Variants in TRAIP observed in about 807,000 individuals in gnomAD.
The protein encoded by TRAIP is TRAF interacting protein, also known as E3 ubiquitin-protein ligase TRAIP.
A neutral mutation model predicts 65.0 loss-of-function variants in TRAIP; 37 were observed. That is an observed-to-expected ratio of 0.57 (90% confidence interval 0.44 to 0.75). The LOEUF is 0.75. Among genes scored for constraint, TRAIP ranks in the 30% least tolerant of loss-of-function variants. The pLI is 0.00. For synonymous variants in TRAIP, 187 were observed against 219.1 expected, an observed-to-expected ratio of 0.85 and a Z score of 1.29; for missense variants, 481 against 579.4, an observed-to-expected ratio of 0.83 and a Z score of 1.74.
At chr3:49,842,269 TG>T (rs2081845718) in intron 6 of TRAIP, among the ~76,000 whole-genome samples, 183 bp downstream of exon 6, 1 of 152,068 alleles carries the variant, frequency 6.6e-6, no homozygotes, top group Non-Finnish European at 1.5e-5. Flanking sequence ...TTCCTTGGAA[TG>T]GGGGAAGAGT....
At chr3:49,856,142 T>TC (rs1417058617) in intron 1 of TRAIP, among the ~76,000 whole-genome samples, 9 of 152,322 alleles carry the variant, frequency 5.9e-5, no homozygotes, top group African/African-American at 2.2e-4. Flanking sequence ...GCCATCTTAG[T>TC]CCCCCTCAGG....
chr3:49,848,297 C>A, intron 1 of TRAIP, 97 bp from the exon 2 acceptor site: 1 of 1,321,840 alleles, frequency 7.6e-7, no homozygotes, highest in South Asian at 1.3e-5. Context: ...CTGTTCTGCT[C>A]CTCCTTGACC....
Position 49,856,370 on chromosome 3 carries a change from G to A in TRAIP, c.84C>T (p.Thr28=). The part of the protein sequence containing the change: ...RDVAAIHCGH[T]FHLQCLIQWF... ...CAGTCACTCACCACTGCAAGTGGAA[G>A]GTGTGGCCGCAGTGGATGGCGGCCA... Residue 28 remains threonine (T), a synonymous_variant, in exon 1 of 15, where the codon ACC becomes ACT. Transcript: ENST00000331456. 2 of 1,613,988 alleles carry A rather than the reference G, an allele frequency of 1.2e-6. No homozygotes were observed. Among genetic ancestry groups the A allele is most frequent in the Non-Finnish European group, 8.5e-7 (1 of 1,179,904 alleles).
intron 8 of TRAIP, chr3:49,840,592 C>T (rs1275927775): frequency 1.7e-6 from 1 of 575,046 alleles, no homozygotes; most frequent in Admixed American, 3.1e-5. Context: ...TGTGGATGCA[C>T]CATGCCAGAA....
intron 5 of TRAIP, among the ~76,000 whole-genome samples, chr3:49,842,951 C>G (rs2081851052): frequency 6.6e-6 from 1 of 152,158 alleles, no homozygotes; most frequent in South Asian, 2.1e-4. Flanking sequence ...GGACAGTTGC[C>G]AAGAATGAAT....
chr3:49,836,342 A>C (rs138522479), intron 10 of TRAIP, among the ~76,000 whole-genome samples: 3 of 152,006 alleles, frequency 2.0e-5, no homozygotes, highest in Admixed American at 6.5e-5. Flanking sequence ...AATACAAAAA[A>C]CTAGCTGGGC....
intron 1 of TRAIP, among the ~76,000 whole-genome samples, chr3:49,853,631 G>C (rs1447496938): frequency 2.0e-5 from 3 of 151,772 alleles, no homozygotes; most frequent in Non-Finnish European, 4.4e-5. Flanking sequence ...GGATCACGAG[G>C]TCAGGAGTTT....
intron 10 of TRAIP, among the ~76,000 whole-genome samples, chr3:49,839,489 T>A (rs1299244789): frequency 6.6e-6 from 1 of 152,220 alleles, no homozygotes; most frequent in African/African-American, 2.4e-5. Flanking sequence ...CAGATAAATG[T>A]GGGGAGCTAC....
intron 10 of TRAIP, among the ~76,000 whole-genome samples, chr3:49,832,277 G>C (rs1326044052): frequency 1.3e-5 from 2 of 152,048 alleles, no homozygotes; most frequent in Non-Finnish European, 2.9e-5. Context: ...TGGATCAAGC[G>C]GTCAAGAGAT....
At chr3:49,835,495 G>A (rs2081775013) in intron 10 of TRAIP, among the ~76,000 whole-genome samples, 1 of 152,088 alleles carries the variant, frequency 6.6e-6, no homozygotes, top group South Asian at 2.1e-4. Context: ...GTGGGATGGT[G>A]GTGATGGTTG....
rs1039307940 is a variant in TRAIP, at chr3:49,856,527, C to A, written c.-74G>T. 4 of 1,382,818 alleles carry A rather than the reference C, an allele frequency of 2.9e-6. No individual in the cohort carries two copies. The African/African-American group carries it at 5.8e-5, about 20-fold the overall frequency. 85.7% of individuals were successfully genotyped at this position (1,382,818 alleles called of 1,614,324 possible). ...CCGGCTTCGTAGACGCGCCCCCGCG[C>A]CTCCGCTTGCTTCAAATTTGGCTCC... On this transcript the variant is annotated 5_prime_UTR_variant, in exon 1 of 15. Transcript: ENST00000331456.
Position 49,836,529 on chromosome 3 carries a change from AAAAGC to A in TRAIP, c.884+3238_884+3242del, listed in dbSNP as rs140857495. On this transcript the variant is annotated intron_variant, in intron 10 of 14. Coordinates refer to ENST00000331456, the MANE Select transcript of TRAIP (RefSeq NM_005879.3). Reference sequence around the variant, plus strand: ...GAAAAGAAAAGGAAAAAGAAAAAGAAAAAGCAAAGCAAAGCAAAGCAAAGCAAAGC... The same window carrying A: ...GAAAAGAAAAGGAAAAAGAAAAAGAAAAAGCAAAGCAAAGCAAAGCAAAGC... 4.4e-3 allele frequency among the ~76,000 whole-genome samples: 668 copies of A among 152,020 alleles called. 4 individuals are homozygous for A. Among genetic ancestry groups the A allele is most frequent in the Middle Eastern group, 0.014 (4 of 294 alleles).
rs1559447975 is a variant in TRAIP at position 49,839,834 on chromosome 3, C to A, written c.822G>T (p.Leu274=). Reference sequence around the variant, plus strand: ...CTGGTGGCAGGTTCAAGGTTTCCTGCAGCATCGTTAGCTTCTTTTTCAGGC... The same window carrying A: ...CTGGTGGCAGGTTCAAGGTTTCCTGAAGCATCGTTAGCTTCTTTTTCAGGC... ...IMSLKKKLTM[L]QETLNLPPVA... The change falls in exon 10 of 15, where the codon CTG becomes CTT. Residue 274 remains leucine, a synonymous_variant. Transcript: ENST00000331456. 2 of 1,614,248 alleles carry A rather than the reference C, an allele frequency of 1.2e-6. No homozygotes were observed. Among genetic ancestry groups the A allele is most frequent in the Non-Finnish European group, 1.7e-6 (2 of 1,180,036 alleles).
Position 49,840,534 on chromosome 3 carries a change from C to T in TRAIP, c.706-161G>A, listed in dbSNP as rs556978624. 6.0e-5 allele frequency: 37 copies of T among 615,728 alleles called. No individual in the cohort carries two copies. In the East Asian group the frequency reaches 9.7e-4, roughly 16 times the overall value. The allele number at this position is 615,728 out of a possible 1,614,324, so 38.1% of individuals were successfully genotyped here. A position where few individuals can be genotyped will look rare whatever the true frequency, so the allele number is the denominator to read the frequency against. On this transcript the variant is annotated intron_variant, in intron 8 of 14. Transcript: ENST00000331456. ...GGCTAGGCCTCAGTCTGGCAATGCACATCCGGAGCTGCCTAGAAGCAAAGG... is the reference window on the plus strand; with the variant it reads ...GGCTAGGCCTCAGTCTGGCAATGCATATCCGGAGCTGCCTAGAAGCAAAGG...
chr3:49,842,051 C>A, intron 6 of TRAIP, 112 bp from the exon 7 acceptor site: 1 of 841,834 alleles, frequency 1.2e-6, no homozygotes, highest in South Asian at 1.5e-5. Flanking sequence ...GCTAGGCTGC[C>A]AGGATGCTTT....
chr3:49,851,339 C>T (rs1447491130), intron 1 of TRAIP, among the ~76,000 whole-genome samples: 2 of 152,136 alleles, frequency 1.3e-5, no homozygotes, highest in East Asian at 3.9e-4. Context: ...ATTCTGTAAG[C>T]CATATACTTA....
chr3:49,838,913 G>T (rs2081811879), intron 10 of TRAIP, among the ~76,000 whole-genome samples: 1 of 150,768 alleles, frequency 6.6e-6, no homozygotes, highest in African/African-American at 2.4e-5. Context: ...AGACTGGGCT[G>T]GGCGCAGTGG....
chr3:49,831,811 C>G (rs957269157), intron 11 of TRAIP, 105 bp downstream of exon 11: 9 of 1,320,820 alleles, frequency 6.8e-6, no homozygotes, highest in Non-Finnish European at 8.9e-6. Flanking sequence ...CCTAGGCAAC[C>G]CTCACTGCCC....
intron 1 of TRAIP, among the ~76,000 whole-genome samples, chr3:49,848,739 G>C (rs1233258910): frequency 1.3e-4 from 20 of 152,124 alleles, no homozygotes; most frequent in Non-Finnish European, 2.4e-4. Context: ...AATGATAAAT[G>C]CTTGAGGTGA....
Sources: gnomAD v4.1 joint callset for allele counts (sites outside exome capture counted in the v4.1 genomes callset) on GRCh38, gnomAD v4.1.1 for gene constraint, MANE v1.5 for transcripts, NCBI Gene and HGNC (gene_info 2026-07-23, HGNC 2026-07-21) for gene names.